The following GTF2H1 variants were observed in gnomAD, a reference collection of about 807,000 sequenced individuals.
GTF2H1 encodes the protein general transcription factor IIH subunit 1.
A neutral mutation model predicts 71.2 loss-of-function variants in GTF2H1; 16 were observed. The ratio of observed to expected loss-of-function variants is 0.22; its 90% CI spans 0.15 to 0.34. The LOEUF (loss-of-function observed/expected upper bound fraction) is 0.34, where lower values mean the gene tolerates loss of function less well. Ranked by LOEUF, GTF2H1 falls within the 10% of genes least tolerant of loss-of-function variation. The probability of loss-of-function intolerance (pLI) is 1.00; values close to 1 mark genes in which losing one functional copy is unlikely to be tolerated. For synonymous variants in GTF2H1, 215 were observed against 219.0 expected, an observed-to-expected ratio of 0.98 and a Z score of 0.16; for missense variants, 498 against 648.2, an observed-to-expected ratio of 0.77 and a Z score of 2.52.
At chr11:18,326,724 C>A (rs1049189676) in intron 1 of GTF2H1, among the ~76,000 whole-genome samples, 1 of 152,108 alleles carries the variant, frequency 6.6e-6, no homozygotes, top group African/African-American at 2.4e-5. Context: ...TGTCCTTGCT[C>A]ACTGCTTTTC....
intron 7 of GTF2H1, among the ~76,000 whole-genome samples, chr11:18,346,734 T>C (rs1590191931): frequency 6.2e-5 from 1 of 16,014 alleles, no homozygotes; most frequent in South Asian, 2.7e-3. Flanking sequence ...TTTTATTTAC[T>C]TTTTTTTTTT....
chr11:18,335,444 T>C (rs1367367780), intron 2 of GTF2H1, among the ~76,000 whole-genome samples: 1 of 152,198 alleles, frequency 6.6e-6, no homozygotes, highest in African/African-American at 2.4e-5. Flanking sequence ...CAGGAAGCTT[T>C]AAAGAGGTCT....
At chr11:18,343,714 A>G (rs1189843128) in intron 7 of GTF2H1, among the ~76,000 whole-genome samples, 1 of 152,212 alleles carries the variant, frequency 6.6e-6, no homozygotes, top group African/African-American at 2.4e-5. Flanking sequence ...TCAACTTCAC[A>G]TGTAAAATGG....
At chr11:18,336,520 T>TA (rs1554953886) in intron 3 of GTF2H1, among the ~76,000 whole-genome samples, 2 of 152,184 alleles carry the variant, frequency 1.3e-5, no homozygotes, top group Non-Finnish European at 1.5e-5. Context: ...TTTAAAATCT[T>TA]ACTGCTTGTT....
chr11:18,346,584 A>G (rs973315786), intron 7 of GTF2H1, among the ~76,000 whole-genome samples: 4 of 152,134 alleles, frequency 2.6e-5, no homozygotes, highest in South Asian at 2.1e-4. Flanking sequence ...GTTTTAAAAT[A>G]TAATCTCATT....
intron 1 of GTF2H1, among the ~76,000 whole-genome samples, chr11:18,328,317 C>T (rs1410812912): frequency 3.3e-5 from 5 of 151,502 alleles, no homozygotes; most frequent in Non-Finnish European, 5.9e-5. Flanking sequence ...ACAAGACCAG[C>T]TTGGCCAACA....
intron 7 of GTF2H1, among the ~76,000 whole-genome samples, chr11:18,344,447 C>T (rs1865236550): frequency 6.6e-6 from 1 of 151,810 alleles, no homozygotes; most frequent in South Asian, 2.1e-4. Context: ...GGTGAAACCC[C>T]ATCTCCACTA....
At chr11:18,329,496 T>C (rs1234006336) in intron 1 of GTF2H1, among the ~76,000 whole-genome samples, 1 of 152,220 alleles carries the variant, frequency 6.6e-6, no homozygotes, top group African/African-American at 2.4e-5. Flanking sequence ...CCTTGTCCCT[T>C]CCTCTCCAGT....
At chr11:18,358,416 G>T in intron 12 of GTF2H1, 109 bp from the exon 13 acceptor site, 1 of 623,946 alleles carries the variant, frequency 1.6e-6, no homozygotes, top group Non-Finnish European at 2.8e-6. Context: ...TCCTGGTTTG[G>T]CATTGACAAA....
intron 7 of GTF2H1, chr11:18,341,898 A>G (rs949882873): frequency 8.7e-6 from 2 of 230,132 alleles, no homozygotes; most frequent in Non-Finnish European, 1.7e-5. Context: ...GTTCAGCTTT[A>G]TGCTCTAGCT....
chr11:18,348,412 A>ATTC (rs1476563197), intron 9 of GTF2H1: 1 of 166,188 alleles, frequency 6.0e-6, no homozygotes, highest in African/African-American at 2.4e-5. Context: ...TTGTGTATTT[A>ATTC]TTCTTCTCCT....
intron 2 of GTF2H1, among the ~76,000 whole-genome samples, chr11:18,334,873 A>C (rs1316688040): frequency 6.6e-6 from 1 of 152,170 alleles, no homozygotes; most frequent in Admixed American, 6.5e-5. Flanking sequence ...CACACTGAAA[A>C]CATTTTAATA....
intron 11 of GTF2H1, among the ~76,000 whole-genome samples, chr11:18,355,521 T>C (rs1865525184): frequency 6.6e-6 from 1 of 152,050 alleles, no homozygotes; most frequent in African/African-American, 2.4e-5. Flanking sequence ...ATTTATTTAT[T>C]TCGAGACAGG....
intron 1 of GTF2H1, among the ~76,000 whole-genome samples, chr11:18,323,198 G>T (rs1324889884): frequency 6.6e-6 from 1 of 152,108 alleles, no homozygotes; most frequent in Non-Finnish European, 1.5e-5. Context: ...TTTGATTGTC[G>T]TGTAATGATG....
chr11:18,324,002 C>T (rs889763337), intron 1 of GTF2H1, among the ~76,000 whole-genome samples: 1 of 151,994 alleles, frequency 6.6e-6, no homozygotes, highest in African/African-American at 2.4e-5. Context: ...TTAAGTCCCT[C>T]ATTCAGAAAG....
chr11:18,358,401 G>A (rs555949694), intron 12 of GTF2H1, 124 bp from the exon 13 acceptor site: 1 of 593,204 alleles, frequency 1.7e-6, no homozygotes, highest in African/African-American at 1.9e-5. Flanking sequence ...TCTGAAAATA[G>A]CACATCCTGG....
chr11:18,359,951 G>A (rs535226254), intron 13 of GTF2H1, among the ~76,000 whole-genome samples: 8 of 151,728 alleles, frequency 5.3e-5, no homozygotes, highest in Middle Eastern at 3.4e-3. Flanking sequence ...GCAGAACTCC[G>A]TCTCTACAAA....
chr11:18,324,883 TG>T (rs772430401), intron 1 of GTF2H1, among the ~76,000 whole-genome samples: 9 of 152,252 alleles, frequency 5.9e-5, no homozygotes, highest in African/African-American at 9.6e-5. Context: ...TTCCCTGCAC[TG>T]CTGTAAAATG....
chr11:18,357,059 C>T (rs1865570622), intron 11 of GTF2H1, among the ~76,000 whole-genome samples: 1 of 152,128 alleles, frequency 6.6e-6, no homozygotes, highest in Non-Finnish European at 1.5e-5. Flanking sequence ...GTCCCCTTCA[C>T]TCATGGTTGT....
Sources: allele counts gnomAD v4.1 joint callset (sites outside exome capture counted in the v4.1 genomes callset), GRCh38; gene constraint gnomAD v4.1.1; transcripts MANE v1.5; gene names NCBI Gene and HGNC (gene_info 2026-07-23, HGNC 2026-07-21).